Variants in NCKAP5 observed in about 807,000 individuals in gnomAD.
The protein encoded by NCKAP5 is nck-associated protein 5.
NCKAP5 carries 92 observed loss-of-function variants against 167.0 expected under a neutral mutation model. The ratio of observed to expected loss-of-function variants is 0.55; its 90% CI spans 0.47 to 0.66. NCKAP5 has a LOEUF of 0.66. NCKAP5 is among the 30% of genes least tolerant of loss of function. The pLI is 0.00. For missense variants in NCKAP5, 2,378 were observed against 2,315.0 expected (o/e 1.03, Z -0.56); for synonymous variants, 891 against 877.4 (o/e 1.02, Z -0.27).
At position 132,728,352 on chromosome 2, in the gene NCKAP5, C is replaced by T. The variant is rs143730675; in HGVS notation, c.5580+464G>A. Among the ~76,000 whole-genome samples the T allele has an allele frequency of 5.8e-4, 89 of 152,256 alleles. 1 individual carries two copies. Among genetic ancestry groups the T allele is most frequent in the African/African-American group, 1.1e-3 (47 of 41,550 alleles). ...CTGCAAAAATGAAACTCAGGGCTCA[C>T]GGATTCTAGCAAGTCATTTGACCAC... On this transcript the variant is annotated intron_variant, in intron 18 of 19. Transcript: ENST00000409261.
chr2:132,696,862 T>C (rs1184318803), intron 19 of NCKAP5, among the ~76,000 whole-genome samples: 1 of 152,112 alleles, frequency 6.6e-6, no homozygotes, highest in Non-Finnish European at 1.5e-5. Context: ...GTGGGTGGTC[T>C]AACATCCTCA....
intron 6 of NCKAP5, among the ~76,000 whole-genome samples, chr2:133,068,254 A>G (rs974969666): frequency 2.0e-5 from 3 of 152,226 alleles, no homozygotes; most frequent in African/African-American, 7.2e-5. Flanking sequence ...ACTCAGATGT[A>G]CAAGATCCCA....
chr2:132,721,546 C>T (rs879751051), intron 19 of NCKAP5, among the ~76,000 whole-genome samples: 1 of 152,150 alleles, frequency 6.6e-6, no homozygotes, highest in Non-Finnish European at 1.5e-5. Flanking sequence ...CACTGACTCA[C>T]GGGGAATAAA....
chr2:133,594,242 A>C, the NCKAP5 span, among the ~76,000 whole-genome samples: 1 of 152,228 alleles, frequency 6.6e-6, no homozygotes, highest in Non-Finnish European at 1.5e-5. Flanking sequence ...TCTCCACCAC[A>C]GTGTGTGGCT....
In NCKAP5 at chr2:132,783,692, G is replaced by C; in HGVS notation, c.3119C>G (p.Ser1040Cys). 1 of 1,613,728 alleles carries C rather than the reference G, an allele frequency of 6.2e-7. No homozygotes were observed. Among genetic ancestry groups the C allele is most frequent in the Non-Finnish European group, 8.5e-7 (1 of 1,179,788 alleles). The stretch of plus-strand genomic sequence containing the variant: ...GGTTTTGGGGACACCTCTCTTCGGA[G>C]AGACCTTTGGAGGCCCCAGAGCCAT... ...TVMALGPPKV[S>C]PKRGVPKTSP... is the part of the protein sequence containing the mutation. The change falls in exon 14 of 20, where the codon TCT (serine) becomes TGT (cysteine). Residue 1040 changes from serine to cysteine, a missense_variant. Physicochemically the swap from Ser to Cys is moderately radical, Grantham distance 112. Around this residue, in one of 3 missense-constraint regions of NCKAP5, gnomAD observed 1,325 missense variants for 1,274.5 expected, o/e 1.04. Transcript: ENST00000409261.
chr2:133,019,204 G>C (rs891723169), intron 6 of NCKAP5, among the ~76,000 whole-genome samples: 2 of 152,162 alleles, frequency 1.3e-5, no homozygotes, highest in African/African-American at 4.8e-5. Context: ...AAACTACATA[G>C]CACAGTGCCT....
intron 5 of NCKAP5, among the ~76,000 whole-genome samples, chr2:133,184,656 A>G (rs1440322455): frequency 6.6e-6 from 1 of 152,148 alleles, no homozygotes; most frequent in Non-Finnish European, 1.5e-5. Flanking sequence ...AATAGTAGCC[A>G]TTCTGACTGG....
At chr2:133,318,213 G>A (rs77739680) in intron 3 of NCKAP5, among the ~76,000 whole-genome samples, 2 of 152,174 alleles carry the variant, frequency 1.3e-5, no homozygotes, top group Non-Finnish European at 1.5e-5. Context: ...GATGGTTTAA[G>A]AAGATGGAGA....
chr2:133,467,178 C>T (rs1422159187), intron 3 of NCKAP5, among the ~76,000 whole-genome samples: 13 of 151,264 alleles, frequency 8.6e-5, no homozygotes, highest in East Asian at 1.9e-4. Context: ...TTTTGAAATA[C>T]GTCCCATCAA....
At chr2:133,163,009 G>A (rs947804864) in intron 5 of NCKAP5, among the ~76,000 whole-genome samples, 5 of 152,044 alleles carry the variant, frequency 3.3e-5, no homozygotes, top group Non-Finnish European at 5.9e-5. Flanking sequence ...AACTGCCCAA[G>A]GAAACTCCAA....
rs182560325 is a variant in NCKAP5, at chr2:133,040,978, G to A, written c.342-46739C>T. Among the ~76,000 whole-genome samples the A allele has an allele frequency of 1.9e-3, 283 of 152,294 alleles. 2 individuals carry two copies. Among genetic ancestry groups the A allele is most frequent in the African/African-American group, 6.6e-3 (273 of 41,572 alleles). On this transcript the variant is annotated intron_variant, in intron 6 of 19. Transcript: ENST00000409261. ...TCTGGGCTGTTCATTCGAATTTGGAGTAGAAAGAGGTTCGGAATGGCCTGA... is the reference window on the plus strand; with the variant it reads ...TCTGGGCTGTTCATTCGAATTTGGAATAGAAAGAGGTTCGGAATGGCCTGA...
At chr2:133,442,367 C>T (rs1322980796) in intron 3 of NCKAP5, among the ~76,000 whole-genome samples, 1 of 152,176 alleles carries the variant, frequency 6.6e-6, no homozygotes, top group Admixed American at 6.5e-5. Context: ...CAAAACCTTC[C>T]CCATCTGTGA....
At chr2:132,755,067 G>C (rs553993670) in intron 16 of NCKAP5, among the ~76,000 whole-genome samples, 1 of 152,344 alleles carries the variant, frequency 6.6e-6, no homozygotes, top group Admixed American at 6.5e-5. Context: ...CTTGAGGTTT[G>C]AGTACCAGAA....
intron 3 of NCKAP5, among the ~76,000 whole-genome samples, chr2:133,372,904 T>G (rs562778839): frequency 6.6e-6 from 1 of 152,312 alleles, no homozygotes; most frequent in Non-Finnish European, 1.5e-5. Flanking sequence ...ATCAGCATCT[T>G]CTTTACAGAA....
rs1317194621 is a variant in NCKAP5, at chr2:132,697,819, T to C, written c.5714-24514A>G. On this transcript the variant is annotated intron_variant, in intron 19 of 19. Coordinates refer to ENST00000409261, the MANE Select transcript of NCKAP5 (RefSeq NM_207363.3). Reference sequence around the variant, plus strand: ...GCCAACAGGAAGAAGGGAGAGTCTTTTTGGTTTTCAAATTAGTTGTTAGGG... The same window carrying C: ...GCCAACAGGAAGAAGGGAGAGTCTTCTTGGTTTTCAAATTAGTTGTTAGGG... Among the ~76,000 whole-genome samples the C allele has an allele frequency of 2.0e-5, 3 of 152,216 alleles. No individual in the cohort carries two copies. In the East Asian group the frequency reaches 5.8e-4, roughly 29 times the overall value.
chr2:132,803,650 C>T (rs1382571973), intron 11 of NCKAP5, among the ~76,000 whole-genome samples: 2 of 152,172 alleles, frequency 1.3e-5, no homozygotes, highest in African/African-American at 4.8e-5. Flanking sequence ...ATTAACAGTG[C>T]CCCAAGGCCC....
chr2:133,249,576 C>A (rs2088198033), intron 4 of NCKAP5, among the ~76,000 whole-genome samples: 1 of 152,186 alleles, frequency 6.6e-6, no homozygotes, highest in African/African-American at 2.4e-5. Flanking sequence ...CTAGGTACAA[C>A]CACCTTCAGG....
chr2:132,998,965 C>G (rs775741216), intron 6 of NCKAP5, among the ~76,000 whole-genome samples: 6 of 152,198 alleles, frequency 3.9e-5, no homozygotes, highest in Middle Eastern at 3.4e-3. Flanking sequence ...AAACTAAGAC[C>G]ATTTTTTCCC....
At chr2:133,650,911 C>T in the NCKAP5 span, among the ~76,000 whole-genome samples, 1 of 151,892 alleles carries the variant, frequency 6.6e-6, no homozygotes. Context: ...AAAAAGGTAC[C>T]AGGAATACAC....
Sources: gnomAD v4.1 joint callset for allele counts (sites outside exome capture counted in the v4.1 genomes callset) on GRCh38, gnomAD v4.1.1 for gene constraint, gnomAD v4.1.1 regional missense constraint, MANE v1.5 for transcripts, NCBI Gene and HGNC (gene_info 2026-07-23, HGNC 2026-07-21) for gene names.